GABRA5: variants seen among roughly 807,000 people sequenced by gnomAD.
GABRA5 encodes the protein gamma-aminobutyric acid receptor subunit alpha-5.
Under a neutral mutation model 47.3 loss-of-function variants are expected in GABRA5, and 18 were observed. The observed-to-expected ratio is 0.38, with a 90% CI of 0.26 to 0.56. The LOEUF is 0.56. Ranked by LOEUF, GABRA5 falls within the 20% of genes least tolerant of loss-of-function variation. The pLI, the probability that GABRA5 is intolerant of heterozygous loss-of-function variation, is 0.71. For synonymous variants in GABRA5, 237 were observed against 229.3 expected, an observed-to-expected ratio of 1.03 and a Z score of -0.30; for missense variants, 365 against 599.3, an observed-to-expected ratio of 0.61 and a Z score of 4.08.
intron 10 of GABRA5, among the ~76,000 whole-genome samples, chr15:26,944,356 T>A (rs8027396): frequency 6.6e-6 from 1 of 152,178 alleles, no homozygotes; most frequent in Non-Finnish European, 1.5e-5. Flanking sequence ...TGACCTCGCC[T>A]GTTGGGCCTT....
At chr15:26,873,125 A>T (rs1892512428) in intron 3 of GABRA5, among the ~76,000 whole-genome samples, 1 of 152,212 alleles carries the variant, frequency 6.6e-6, no homozygotes, top group Non-Finnish European at 1.5e-5. Flanking sequence ...TTGAAGTACT[A>T]TATTTATTTT....
chr15:26,936,416 C>T (rs1894246051), intron 7 of GABRA5, among the ~76,000 whole-genome samples: 1 of 152,150 alleles, frequency 6.6e-6, no homozygotes, highest in East Asian at 1.9e-4. Context: ...CATCCTCAAG[C>T]CAGCAGTGGT....
rs1894560547 is a variant in GABRA5, at chr15:26,948,167, C to T, written c.1323C>T (p.Asn441=). 6.2e-6 allele frequency: 10 copies of T among 1,613,754 alleles called. No homozygotes were observed. Among genetic ancestry groups the T allele is most frequent in the Non-Finnish European group, 8.5e-6 (10 of 1,179,870 alleles). Residue 441 remains asparagine, a synonymous_variant, in exon 11 of 11, where the codon AAC becomes AAT. Coordinates refer to ENST00000335625, the MANE Select transcript of GABRA5 (RefSeq NM_000810.4). ...IVFPVLFGTF[N]LVYWATYLNR... Reference sequence around the variant, plus strand: ...TCCCAGTCTTGTTCGGCACTTTCAACTTAGTTTACTGGGCAACGTATTTGA... The same window carrying T: ...TCCCAGTCTTGTTCGGCACTTTCAATTTAGTTTACTGGGCAACGTATTTGA...
chr15:26,901,491 A>AT (rs1467523870), intron 6 of GABRA5, among the ~76,000 whole-genome samples: 1 of 151,994 alleles, frequency 6.6e-6, no homozygotes, highest in African/African-American at 2.4e-5. Flanking sequence ...GTCTTTTATC[A>AT]TTTTTTAATT....
rs1175586248 is a variant in GABRA5, at chr15:26,883,681, T to G, written c.497+124T>G. Reference sequence around the variant, plus strand: ...CATAGGTCTGAGACTGCGGCGCGTGTGTGCTGGGGGTTCCCCGTTGCCATC... The same window carrying G: ...CATAGGTCTGAGACTGCGGCGCGTGGGTGCTGGGGGTTCCCCGTTGCCATC... On this transcript the variant is annotated intron_variant, in intron 6 of 10. Coordinates refer to ENST00000335625, the MANE Select transcript of GABRA5 (RefSeq NM_000810.4). The surrounding 1 kb of genome is among the most constrained non-coding windows in gnomAD (Gnocchi z 4.8). 1 of 760,324 alleles carries G rather than the reference T, an allele frequency of 1.3e-6. No individual in the cohort carries two copies. The highest frequency in any genetic ancestry group is 2.0e-6 in the Non-Finnish European group (1 of 496,502). The allele number at this position is 760,324 out of a possible 1,614,324, so 47.1% of individuals were successfully genotyped here. A position where few individuals can be genotyped will look rare whatever the true frequency, so the allele number is the denominator to read the frequency against.
chr15:26,881,031 G>A, intron 4 of GABRA5, 64 bp downstream of exon 4: 1 of 1,568,694 alleles, frequency 6.4e-7, no homozygotes, highest in Non-Finnish European at 8.6e-7. Context: ...CTCGTCTCAA[G>A]CTTGTGTTTG....
At chr15:26,893,139 A>T (rs368209791) in intron 6 of GABRA5, among the ~76,000 whole-genome samples, 126,021 of 146,982 alleles carry the variant, frequency 0.86, 53,980 homozygotes, top group Middle Eastern at 0.9. Flanking sequence ...CGTGTTTCTA[A>T]GTGTATGGTG....
chr15:26,875,970 G>T (rs1459541076), intron 3 of GABRA5, among the ~76,000 whole-genome samples: 3 of 152,200 alleles, frequency 2.0e-5, no homozygotes, highest in South Asian at 4.1e-4. Context: ...ATGCAGTGGG[G>T]ACAGTGAAGA....
At chr15:26,928,909 G>A (rs1430485443) in intron 7 of GABRA5, among the ~76,000 whole-genome samples, 3 of 152,060 alleles carry the variant, frequency 2.0e-5, no homozygotes, top group African/African-American at 7.3e-5. Flanking sequence ...ATTCCCAGGG[G>A]CACCTTTTAT....
chr15:26,869,072 C>T (rs1892398298), intron 2 of GABRA5, 103 bp from the exon 3 acceptor site: 2 of 575,786 alleles, frequency 3.5e-6, no homozygotes, highest in East Asian at 5.6e-5. Context: ...ACAGCGGGCT[C>T]CTTTCTTTGC....
At chr15:26,886,897 G>A (rs1169814909) in intron 6 of GABRA5, among the ~76,000 whole-genome samples, 2 of 152,294 alleles carry the variant, frequency 1.3e-5, no homozygotes, top group East Asian at 1.9e-4. Context: ...ATTTTAATGC[G>A]ATAGAGCTAT....
chr15:26,905,518 C>T (rs538441991), intron 6 of GABRA5, among the ~76,000 whole-genome samples: 1 of 152,146 alleles, frequency 6.6e-6, no homozygotes, highest in African/African-American at 2.4e-5. Flanking sequence ...TCTTTTCCTT[C>T]ATAAAATTTG....
chr15:26,894,825 C>T (rs576838715), intron 6 of GABRA5, among the ~76,000 whole-genome samples: 17 of 152,274 alleles, frequency 1.1e-4, no homozygotes, highest in African/African-American at 4.1e-4. Context: ...ATATCTGGTT[C>T]CTCCAATGTT....
At chr15:26,894,922 C>T (rs1210714422) in intron 6 of GABRA5, among the ~76,000 whole-genome samples, 1 of 151,946 alleles carries the variant, frequency 6.6e-6, no homozygotes, top group Non-Finnish European at 1.5e-5. Context: ...TATTTTCTGA[C>T]ATGGTTTAAA....
chr15:26,939,236 C>A lies in GABRA5; in HGVS notation c.725-689C>A. On this transcript the variant is annotated intron_variant, in intron 8 of 10. Transcript: ENST00000335625. ...CACAGCTCCCGACCTCAGCTCCTTA[C>A]CAGTTCACCGTGAGGACGGCATCAT... 3 of 765,262 alleles carry A rather than the reference C, an allele frequency of 3.9e-6. No individual in the cohort carries two copies. In the South Asian group the frequency reaches 4.0e-5, roughly 10 times the overall value. 47.4% of individuals were successfully genotyped at this position (765,262 alleles called of 1,614,324 possible).
At chr15:26,907,075 T>G (rs1480157351) in intron 6 of GABRA5, among the ~76,000 whole-genome samples, 1 of 152,212 alleles carries the variant, frequency 6.6e-6, no homozygotes, top group African/African-American at 2.4e-5. Context: ...ATGGTTGGTC[T>G]CATGTACCTC....
At chr15:26,890,195 A>C (rs935406737) in intron 6 of GABRA5, among the ~76,000 whole-genome samples, 1 of 152,194 alleles carries the variant, frequency 6.6e-6, no homozygotes, top group Non-Finnish European at 1.5e-5. Context: ...ATTGGACAAA[A>C]CATAAATTTT....
At chr15:26,936,795 G>C (rs1894253770) in intron 7 of GABRA5, among the ~76,000 whole-genome samples, 1 of 152,136 alleles carries the variant, frequency 6.6e-6, no homozygotes, top group Admixed American at 6.5e-5. Flanking sequence ...CCTCAGACAT[G>C]GTTGCTGTTT....
intron 6 of GABRA5, among the ~76,000 whole-genome samples, chr15:26,908,185 G>T (rs560305319): frequency 6.6e-6 from 1 of 152,154 alleles, no homozygotes; most frequent in Admixed American, 6.5e-5. Context: ...ATCTTCATTT[G>T]CTAATCTTGA....
Sources: gnomAD v4.1 joint callset for allele counts (sites outside exome capture counted in the v4.1 genomes callset) on GRCh38, gnomAD v4.1.1 for gene constraint, Gnocchi (gnomAD v3.1) non-coding constraint, MANE v1.5 for transcripts, NCBI Gene and HGNC (gene_info 2026-07-23, HGNC 2026-07-21) for gene names.